The following ACSS3 variants were observed in gnomAD, a reference collection of about 807,000 sequenced individuals.
ACSS3 encodes the protein acyl-CoA synthetase short-chain family member 3, mitochondrial.
In ACSS3, 64 loss-of-function variants were observed where a neutral mutation model predicts 84.2. The ratio of observed to expected loss-of-function variants is 0.76; its 90% CI spans 0.62 to 0.94. The LOEUF (loss-of-function observed/expected upper bound fraction) is 0.94. ACSS3 is among the 40% of genes least tolerant of loss of function. The pLI, the probability that ACSS3 is intolerant of heterozygous loss-of-function variation, is 0.00. For missense variants in ACSS3, 815 were observed against 867.6 expected, an observed-to-expected ratio of 0.94 and a Z score of 0.76; for synonymous variants, 317 against 310.1, an observed-to-expected ratio of 1.02 and a Z score of -0.23.
At chr12:81,144,829 C>T (rs1005290318) in intron 5 of ACSS3, among the ~76,000 whole-genome samples, 1 of 151,512 alleles carries the variant, frequency 6.6e-6, no homozygotes, top group African/African-American at 2.4e-5. Context: ...AAGCAATACA[C>T]AGAGCATTAT....
chr12:81,080,349 G>T (rs1004049223), intron 1 of ACSS3, among the ~76,000 whole-genome samples: 2 of 151,462 alleles, frequency 1.3e-5, no homozygotes, highest in Non-Finnish European at 2.9e-5. Flanking sequence ...ATATCTAGTT[G>T]CTTGTCTACA....
chr12:81,144,911 T>A (rs1029554931), intron 5 of ACSS3, among the ~76,000 whole-genome samples: 8 of 144,752 alleles, frequency 5.5e-5, no homozygotes, highest in African/African-American at 2.0e-4. Flanking sequence ...TTCTTTTTTT[T>A]TTTTTTTTTG....
At chr12:81,097,771 A>C (rs1399472398) in intron 1 of ACSS3, among the ~76,000 whole-genome samples, 1 of 152,142 alleles carries the variant, frequency 6.6e-6, no homozygotes, top group Non-Finnish European at 1.5e-5. Flanking sequence ...TTCTCACATT[A>C]ACACATTAAC....
chr12:81,174,689 CTTA>C, intron 7 of ACSS3, 96 bp from the exon 8 acceptor site: 1 of 1,255,676 alleles, frequency 8.0e-7, no homozygotes, highest in Non-Finnish European at 1.1e-6. Flanking sequence ...TTGAAAACCC[CTTA>C]TTATTAATAT....
At chr12:81,095,915 A>G (rs964480535) in intron 1 of ACSS3, among the ~76,000 whole-genome samples, 3 of 152,236 alleles carry the variant, frequency 2.0e-5, no homozygotes, top group Admixed American at 6.5e-5. Flanking sequence ...TATCTGTGCT[A>G]TGGAGAGATG....
intron 5 of ACSS3, among the ~76,000 whole-genome samples, chr12:81,147,125 A>G (rs1242733596): frequency 1.3e-5 from 2 of 152,192 alleles, no homozygotes; most frequent in South Asian, 4.1e-4. Flanking sequence ...AGTTGTTCAG[A>G]TCGACAAAAA....
At chr12:81,234,085 AT>A (rs889626940) in intron 13 of ACSS3, among the ~76,000 whole-genome samples, 6 of 151,036 alleles carry the variant, frequency 4.0e-5, no homozygotes, top group African/African-American at 1.5e-4. Context: ...GGTACCCCTT[AT>A]TTTTTTCTTT....
intron 3 of ACSS3, among the ~76,000 whole-genome samples, chr12:81,138,000 CT>C (rs1885897439): frequency 6.6e-6 from 1 of 152,038 alleles, no homozygotes; most frequent in African/African-American, 2.4e-5. Flanking sequence ...TGTAATTGCA[CT>C]GAGCCTCTGT....
At position 81,188,185 on chromosome 12, in the gene ACSS3, A is replaced by G. The variant is rs917682004; in HGVS notation, c.1251-11156A>G. Among the ~76,000 whole-genome samples, 9 of 152,084 alleles carry G rather than the reference A, an allele frequency of 5.9e-5. No individual in the cohort carries two copies. In the South Asian group the frequency reaches 6.2e-4, roughly 11 times the overall value. On this transcript the variant is annotated intron_variant, in intron 8 of 15. Transcript: ENST00000548058. ...ACAAACCTTAAAATTTAAAGATGATATATATCTCTGATAGGTTAGTAAATA... is the reference window on the plus strand; with the variant it reads ...ACAAACCTTAAAATTTAAAGATGATGTATATCTCTGATAGGTTAGTAAATA...
chr12:81,085,252 A>G (rs540002804), intron 1 of ACSS3, among the ~76,000 whole-genome samples: 1 of 152,306 alleles, frequency 6.6e-6, no homozygotes, highest in Non-Finnish European at 1.5e-5. Context: ...AAGTCTCAGA[A>G]TTGGTATAAA....
chr12:81,216,400 CT>C, intron 9 of ACSS3, among the ~76,000 whole-genome samples: 1 of 152,090 alleles, frequency 6.6e-6, no homozygotes, highest in Admixed American at 6.5e-5. Flanking sequence ...ACCGCAATTA[CT>C]TTTACATCAA....
chr12:81,240,663 A>G (rs2033769290), intron 13 of ACSS3, among the ~76,000 whole-genome samples: 1 of 151,682 alleles, frequency 6.6e-6, no homozygotes, highest in Non-Finnish European at 1.5e-5. Context: ...ATAATTGAAC[A>G]TTTTATATTA....
chr12:81,148,678 G>C (rs974299139), intron 5 of ACSS3, among the ~76,000 whole-genome samples: 1 of 151,994 alleles, frequency 6.6e-6, no homozygotes, highest in Admixed American at 6.5e-5. Context: ...CCTACCAAAA[G>C]ATCGGAACAG....
chr12:81,250,956 A>G (rs1308503127), intron 13 of ACSS3, among the ~76,000 whole-genome samples: 2 of 152,126 alleles, frequency 1.3e-5, no homozygotes, highest in Admixed American at 6.5e-5. Context: ...TGATCTCACC[A>G]CATCTTTTTA....
intron 1 of ACSS3, among the ~76,000 whole-genome samples, chr12:81,091,709 A>G (rs1464204068): frequency 6.6e-6 from 1 of 152,092 alleles, no homozygotes; most frequent in Non-Finnish European, 1.5e-5. Flanking sequence ...ATTTGATGGA[A>G]ATCGTATAAT....
intron 7 of ACSS3, among the ~76,000 whole-genome samples, chr12:81,158,730 G>A (rs935356849): frequency 6.6e-6 from 1 of 152,098 alleles, no homozygotes; most frequent in African/African-American, 2.4e-5. Flanking sequence ...TTGTCTGTTA[G>A]ATTTCAGCTG....
At chr12:81,161,336 T>A (rs1315693608) in intron 7 of ACSS3, among the ~76,000 whole-genome samples, 3 of 152,048 alleles carry the variant, frequency 2.0e-5, no homozygotes, top group Non-Finnish European at 4.4e-5. Context: ...CGGTGGTCTC[T>A]CCCCTTGTAG....
chr12:81,214,772 T>C (rs1397750657), intron 9 of ACSS3, among the ~76,000 whole-genome samples: 1 of 152,166 alleles, frequency 6.6e-6, no homozygotes, highest in Non-Finnish European at 1.5e-5. Context: ...TTCATGAGAA[T>C]CCACACTGTA....
intron 11 of ACSS3, among the ~76,000 whole-genome samples, chr12:81,230,019 A>G (rs1232022309): frequency 1.3e-5 from 2 of 151,812 alleles, no homozygotes; most frequent in Admixed American, 1.3e-4. Flanking sequence ...GTACTGTCAG[A>G]CCCGAAAATC....
Sources: gnomAD v4.1 joint callset for allele counts (sites outside exome capture counted in the v4.1 genomes callset) on GRCh38, gnomAD v4.1.1 for gene constraint, MANE v1.5 for transcripts, NCBI Gene and HGNC (gene_info 2026-07-23, HGNC 2026-07-21) for gene names.